Variants in CLSTN1 observed in about 807,000 individuals in gnomAD.
CLSTN1 encodes the protein calsyntenin-1.
Under a neutral mutation model 108.3 loss-of-function variants are expected in CLSTN1, and 28 were observed. The observed-to-expected ratio is 0.26, with a 90% CI of 0.19 to 0.35. The LOEUF (loss-of-function observed/expected upper bound fraction) is 0.35. Among genes scored for constraint, CLSTN1 ranks in the 10% least tolerant of loss-of-function variants. CLSTN1 has a pLI of 1.00. For synonymous variants in CLSTN1, 524 were observed against 534.9 expected (o/e 0.98, Z 0.28); for missense variants, 1,157 against 1,302.6 (o/e 0.89, Z 1.72).
intron 10 of CLSTN1, among the ~76,000 whole-genome samples, chr1:9,737,924 G>GAT (rs1445635625): frequency 6.6e-6 from 1 of 152,194 alleles, no homozygotes; most frequent in Non-Finnish European, 1.5e-5. Context: ...TGCTGCTCCC[G>GAT]ATATAAACAC....
At chr1:9,795,323 G>A (rs953987473) in intron 1 of CLSTN1, among the ~76,000 whole-genome samples, 8 of 150,806 alleles carry the variant, frequency 5.3e-5, no homozygotes, top group African/African-American at 1.9e-4. Context: ...GCGCCACCAC[G>A]CCCGGCTAAT....
chr1:9,823,370 G>A lies in CLSTN1; in HGVS notation c.91+273C>T, dbSNP rs1323416548. Among the ~76,000 whole-genome samples, 2 of 152,108 alleles carry A rather than the reference G, an allele frequency of 1.3e-5. No individual in the cohort carries two copies. Among genetic ancestry groups the A allele is most frequent in the African/African-American group, 2.4e-5 (1 of 41,428 alleles). ...CAGCCCAGGCTCAGGAGCCCCGCCC[G>A]GGACGGAGCCTGGCTTCCCCGGGAC... On this transcript the variant is annotated intron_variant, in intron 1 of 18. Transcript: ENST00000377298. This position sits in a 1 kb window ranked among gnomAD's most constrained non-coding sequence, Gnocchi z 6.3.
chr1:9,751,762 C>T, intron 4 of CLSTN1, 81 bp from the exon 5 acceptor site: 2 of 1,180,800 alleles, frequency 1.7e-6, no homozygotes, highest in East Asian at 2.4e-5. Flanking sequence ...TGTGTGTTTA[C>T]CCAATTCTGC....
At chr1:9,784,478 A>G (rs1039878005) in intron 1 of CLSTN1, among the ~76,000 whole-genome samples, 2 of 152,226 alleles carry the variant, frequency 1.3e-5, no homozygotes, top group African/African-American at 4.8e-5. Flanking sequence ...ACTGCAGTCC[A>G]GCCTCAGGGA....
chr1:9,753,575 T>A lies in CLSTN1; in HGVS notation c.440+1539A>T, dbSNP rs2101113863. ...GATGTGATCTTGGCTCAGTGCAACC[T>A]CCACCTCCCAGGTTCAAGTGATTCT... On this transcript the variant is annotated intron_variant, in intron 4 of 18. Transcript: ENST00000377298. Among the ~76,000 whole-genome samples the A allele has an allele frequency of 1.3e-5, 2 of 151,772 alleles. 1 individual carries two copies. The highest frequency in any genetic ancestry group is 1.3e-4 in the Admixed American group (2 of 15,184).
chr1:9,766,037 T>TAC (rs1262120356), intron 2 of CLSTN1, among the ~76,000 whole-genome samples: 1 of 152,036 alleles, frequency 6.6e-6, no homozygotes, highest in African/African-American at 2.4e-5. Flanking sequence ...TAACAAAGAA[T>TAC]ACAGACAAGA....
At chr1:9,790,845 A>G (rs1304679515) in intron 1 of CLSTN1, among the ~76,000 whole-genome samples, 1 of 151,322 alleles carries the variant, frequency 6.6e-6, no homozygotes, top group Non-Finnish European at 1.5e-5. Flanking sequence ...GATTAAAAAA[A>G]AAACAGGGCC....
At chr1:9,736,378 C>T (rs1341649775) in intron 11 of CLSTN1, among the ~76,000 whole-genome samples, 1 of 152,168 alleles carries the variant, frequency 6.6e-6, no homozygotes. Context: ...CTTCCTACGC[C>T]ACCAGCCTCT....
At chr1:9,790,562 G>A (rs759179158) in intron 1 of CLSTN1, among the ~76,000 whole-genome samples, 7 of 151,340 alleles carry the variant, frequency 4.6e-5, no homozygotes, top group Non-Finnish European at 8.8e-5. Context: ...TGTTGAGATC[G>A]CCATTAAAAT....
In CLSTN1 at chr1:9,743,974, G is replaced by A. The variant is rs746590478; in HGVS notation, c.1266C>T (p.Val422=). 6.2e-6 allele frequency: 10 copies of A among 1,614,174 alleles called. No individual in the cohort carries two copies. Among genetic ancestry groups the A allele is most frequent in the Non-Finnish European group, 8.5e-6 (10 of 1,180,016 alleles). The part of the protein sequence containing the change: ...DMNRHHYSLY[V]HGCRLIFLFR... ...AGAGGAAGATCAGCCGGCACCCGTG[G>A]ACATAGAGGGAGTAGTGGTGCCGAT... Residue 422 remains valine (V), a synonymous_variant, in exon 9 of 19, where the codon GTC becomes GTT. Transcript: ENST00000377298.
intron 1 of CLSTN1, among the ~76,000 whole-genome samples, chr1:9,807,011 T>TC (rs1303058481): frequency 6.8e-6 from 1 of 148,010 alleles, no homozygotes; most frequent in South Asian, 2.2e-4. Flanking sequence ...AGTAAGGGCG[T>TC]GGGGGGGGGT....
chr1:9,820,512 C>CT (rs1203297018), intron 1 of CLSTN1, among the ~76,000 whole-genome samples: 1 of 151,868 alleles, frequency 6.6e-6, no homozygotes, highest in East Asian at 1.9e-4. Context: ...GAATGAGACT[C>CT]TGTCACAAAA....
In CLSTN1 at chr1:9,730,558, C is replaced by T. The variant is rs749257979; in HGVS notation, c.2896G>A (p.Ala966Thr). 27 of 1,608,110 alleles carry T rather than the reference C, an allele frequency of 1.7e-5. No individual in the cohort carries two copies. Among genetic ancestry groups the T allele is most frequent in the African/African-American group, 2.7e-5 (2 of 74,868 alleles). Reference sequence around the variant, plus strand: ...CACTCCAGCTGCTGCTGCCGGGTTGCGTTCTGGGGGTCGCCCTGCTCCCCC... The same window carrying T: ...CACTCCAGCTGCTGCTGCCGGGTTGTGTTCTGGGGGTCGCCCTGCTCCCCC... ...EEGEQGDPQN[A>T]TRQQQLEWDD... Residue 966 changes from alanine (A) to threonine (T), a missense_variant, in exon 19 of 19, where the codon GCA (alanine) becomes ACA (threonine). Physicochemically the swap from Ala to Thr is moderately conservative, Grantham distance 58. Coordinates refer to ENST00000377298, the MANE Select transcript of CLSTN1 (RefSeq NM_001009566.3). The surrounding 1 kb of genome is among the most constrained non-coding windows in gnomAD (Gnocchi z 5.6).
intron 1 of CLSTN1, among the ~76,000 whole-genome samples, chr1:9,789,865 G>C (rs1355035278): frequency 6.6e-6 from 1 of 151,324 alleles, no homozygotes; most frequent in East Asian, 2.0e-4. Context: ...TGTAGTCCCA[G>C]CTACTTGGGA....
At chr1:9,801,492 C>T (rs1051517564) in intron 1 of CLSTN1, among the ~76,000 whole-genome samples, 2 of 152,222 alleles carry the variant, frequency 1.3e-5, no homozygotes, top group African/African-American at 4.8e-5. Context: ...GAAGAAATTA[C>T]ACCAATTCTC....
At chr1:9,789,005 G>A (rs1054327961) in intron 1 of CLSTN1, among the ~76,000 whole-genome samples, 4 of 151,218 alleles carry the variant, frequency 2.6e-5, no homozygotes, top group South Asian at 2.2e-4. Flanking sequence ...TGTGGCATGC[G>A]TTGGAATTCC....
chr1:9,744,444 C>T lies in CLSTN1; in HGVS notation c.1185G>A (p.Gly395=). The change falls in exon 8 of 19, where the codon GGG becomes GGA. Residue 395 remains glycine, a synonymous_variant. Coordinates refer to ENST00000377298, the MANE Select transcript of CLSTN1 (RefSeq NM_001009566.3). ...TTGTCTCCTTCTTCCTGCCGAATGG[C>T]CCATGTCTCATCCACACCGAGATGG... ...PFTISVWMRH[G]PFGRKKETIL... 6.2e-7 allele frequency: 1 copy of T among 1,610,542 alleles called. No homozygotes were observed. Among genetic ancestry groups the T allele is most frequent in the Non-Finnish European group, 8.5e-7 (1 of 1,179,954 alleles).
intron 1 of CLSTN1, among the ~76,000 whole-genome samples, chr1:9,816,355 G>C (rs761906008): frequency 7.9e-5 from 12 of 152,148 alleles, no homozygotes; most frequent in Non-Finnish European, 1.6e-4. Context: ...GAGGAGAGGA[G>C]GAGGGAGATG....
chr1:9,733,052 ATCC>A (rs1377034408), intron 16 of CLSTN1, among the ~76,000 whole-genome samples: 44 of 152,034 alleles, frequency 2.9e-4, no homozygotes, highest in Non-Finnish European at 1.8e-4. Flanking sequence ...ATAAAACCAC[ATCC>A]TCCTGTTTCT....
Sources: allele counts gnomAD v4.1 joint callset (sites outside exome capture counted in the v4.1 genomes callset), GRCh38; gene constraint gnomAD v4.1.1; non-coding constraint Gnocchi (gnomAD v3.1); transcripts MANE v1.5; gene names NCBI Gene and HGNC (gene_info 2026-07-23, HGNC 2026-07-21).